Variants in MAGI1 observed in about 807,000 individuals in gnomAD.
MAGI1 encodes the protein membrane associated guanylate kinase, WW and PDZ domain containing 1.
MAGI1 carries 58 observed loss-of-function variants against 139.9 expected under a neutral mutation model. The ratio of observed to expected loss-of-function variants is 0.41; its 90% CI spans 0.34 to 0.52. The LOEUF is 0.52. Ranked by LOEUF, MAGI1 falls within the 20% of genes least tolerant of loss-of-function variation. The pLI, the probability that MAGI1 is intolerant of heterozygous loss-of-function variation, is 0.12. For missense variants in MAGI1, 1,874 were observed against 1,901.6 expected, an observed-to-expected ratio of 0.99 and a Z score of 0.27; for synonymous variants, 812 against 737.9, an observed-to-expected ratio of 1.10 and a Z score of -1.63.
intron 1 of MAGI1, among the ~76,000 whole-genome samples, chr3:65,638,346 A>G (rs1175167828): frequency 6.6e-6 from 1 of 151,960 alleles, no homozygotes; most frequent in Non-Finnish European, 1.5e-5. Context: ...ACAGAAAAGA[A>G]TTTTTTTTAA....
intron 12 of MAGI1, among the ~76,000 whole-genome samples, chr3:65,418,673 G>A (rs1325138093): frequency 6.6e-6 from 1 of 152,042 alleles, no homozygotes; most frequent in Non-Finnish European, 1.5e-5. Flanking sequence ...ACACAAGAAC[G>A]CTGTGGTATC....
intron 12 of MAGI1, among the ~76,000 whole-genome samples, chr3:65,418,975 C>G (rs13078969): frequency 6.6e-6 from 1 of 152,168 alleles, no homozygotes; most frequent in Non-Finnish European, 1.5e-5. Flanking sequence ...TTCTGTGATA[C>G]AACGCTTTCC....
intron 22 of MAGI1, chr3:65,360,641 T>C (rs746716110): frequency 3.0e-6 from 3 of 985,828 alleles, no homozygotes; most frequent in African/African-American, 3.5e-5. Context: ...GTTTGTTTGA[T>C]AGTAGTGGGC....
chr3:65,574,823 T>C (rs943355966), intron 2 of MAGI1, among the ~76,000 whole-genome samples: 65 of 151,910 alleles, frequency 4.3e-4, no homozygotes, highest in African/African-American at 1.5e-3. Context: ...GGACAACTAA[T>C]TACCAACAAA....
At chr3:65,484,306 A>C (rs1346713389) in intron 3 of MAGI1, among the ~76,000 whole-genome samples, 10 of 152,082 alleles carry the variant, frequency 6.6e-5, no homozygotes, top group Non-Finnish European at 1.5e-4. Flanking sequence ...GTCCAAGGTA[A>C]ATGGGGGTGG....
chr3:65,921,575 A>G (rs1263044330), intron 1 of MAGI1, among the ~76,000 whole-genome samples: 1 of 152,016 alleles, frequency 6.6e-6, no homozygotes, highest in Non-Finnish European at 1.5e-5. Flanking sequence ...CTCCCAAAGT[A>G]CTGGAATCAT....
chr3:65,785,936 CTT>C (rs534503386), intron 1 of MAGI1, among the ~76,000 whole-genome samples: 8 of 143,980 alleles, frequency 5.6e-5, no homozygotes, highest in East Asian at 2.0e-4. Context: ...GTCATCTTAA[CTT>C]TTTTTTTTTT....
intron 1 of MAGI1, among the ~76,000 whole-genome samples, chr3:65,840,953 T>C (rs554499151): frequency 6.6e-6 from 1 of 152,286 alleles, no homozygotes; most frequent in East Asian, 1.9e-4. Context: ...AAATTCAATT[T>C]CCTTAAAAAT....
Position 65,542,646 on chromosome 3 carries a change from A to T in MAGI1, c.431-49015T>A, listed in dbSNP as rs539023793. Among the ~76,000 whole-genome samples the T allele has an allele frequency of 2.6e-5, 4 of 152,274 alleles. No homozygotes were observed. In the South Asian group the frequency reaches 8.3e-4, roughly 32 times the overall value. ...TCGACAAACCTGACAAAAACACACA[A>T]TGGGGAAAGGACTCCCTATTTAATA... On this transcript the variant is annotated intron_variant, in intron 2 of 22. Transcript: ENST00000402939.
At chr3:65,808,488 ACT>A (rs1479447347) in intron 1 of MAGI1, among the ~76,000 whole-genome samples, 7 of 152,026 alleles carry the variant, frequency 4.6e-5, no homozygotes, top group Admixed American at 3.3e-4. Context: ...ACAGAGCAAG[ACT>A]CTGTCTCAAA....
intron 1 of MAGI1, among the ~76,000 whole-genome samples, chr3:65,919,489 G>A (rs956289564): frequency 1.3e-5 from 2 of 151,890 alleles, no homozygotes; most frequent in African/African-American, 2.4e-5. Flanking sequence ...TTGAGCCCAG[G>A]AGTTTGAGGC....
chr3:66,026,389 G>T (rs532653595), intron 1 of MAGI1, among the ~76,000 whole-genome samples: 1 of 152,086 alleles, frequency 6.6e-6, no homozygotes, highest in South Asian at 2.1e-4. Context: ...TCAGACATAT[G>T]GCTAAGTATA....
chr3:65,664,545 C>A (rs1357382855), intron 1 of MAGI1, among the ~76,000 whole-genome samples: 2 of 152,170 alleles, frequency 1.3e-5, no homozygotes, highest in Non-Finnish European at 2.9e-5. Context: ...TCGACCACAC[C>A]AGTGGTTTCT....
intron 2 of MAGI1, among the ~76,000 whole-genome samples, chr3:65,611,074 T>C (rs1014324737): frequency 1.6e-4 from 21 of 134,940 alleles, no homozygotes; most frequent in Non-Finnish European, 2.6e-4. Flanking sequence ...TAGTGTATAG[T>C]ATATGTACTA....
At chr3:65,718,069 T>C (rs2107675545) in intron 1 of MAGI1, among the ~76,000 whole-genome samples, 1 of 152,306 alleles carries the variant, frequency 6.6e-6, no homozygotes, top group South Asian at 2.1e-4. Context: ...TCCCTGTACC[T>C]ACACTCGGGA....
intron 1 of MAGI1, among the ~76,000 whole-genome samples, chr3:65,847,366 G>A (rs759926485): frequency 2.2e-4 from 33 of 151,850 alleles, no homozygotes; most frequent in African/African-American, 5.6e-4. Context: ...TTTTCTGGCC[G>A]GCACCACCTG....
Position 65,894,941 on chromosome 3 carries a change from G to T in MAGI1, c.313+143055C>A, listed in dbSNP as rs543518493. Among the ~76,000 whole-genome samples, 61 of 152,246 alleles carry T rather than the reference G, an allele frequency of 4.0e-4. 1 individual carries two copies. Among genetic ancestry groups the T allele is most frequent in the Middle Eastern group, 3.4e-3 (1 of 294 alleles). On this transcript the variant is annotated intron_variant, in intron 1 of 22. Transcript: ENST00000402939. Reference sequence around the variant, plus strand: ...CAATATGAATGTTTACCGTTGTCATGGAACCTTCACATGAGTTCAAAATAA... The same window carrying T: ...CAATATGAATGTTTACCGTTGTCATTGAACCTTCACATGAGTTCAAAATAA...
intron 1 of MAGI1, among the ~76,000 whole-genome samples, chr3:65,627,485 C>CT (rs779588733): frequency 3.5e-5 from 1 of 28,322 alleles, no homozygotes; most frequent in African/African-American, 1.2e-4. Flanking sequence ...ATTTCTGTAT[C>CT]TTTTTTTTTT....
chr3:65,765,907 T>C (rs2037431554), intron 1 of MAGI1, among the ~76,000 whole-genome samples: 1 of 152,214 alleles, frequency 6.6e-6, no homozygotes, highest in African/African-American at 2.4e-5. Flanking sequence ...TTTAAAACAT[T>C]TGTGAACCCT....
Sources: gnomAD v4.1 joint callset for allele counts (sites outside exome capture counted in the v4.1 genomes callset) on GRCh38, gnomAD v4.1.1 for gene constraint, MANE v1.5 for transcripts, NCBI Gene and HGNC (gene_info 2026-07-23, HGNC 2026-07-21) for gene names.